The following DENND5A variants were observed in gnomAD, a reference collection of about 807,000 sequenced individuals.
DENND5A encodes DENN domain containing 5A, also known as DENN domain-containing protein 5A.
DENND5A carries 64 observed loss-of-function variants against 140.3 expected under a neutral mutation model. The ratio of observed to expected loss-of-function variants is 0.46; its 90% CI spans 0.37 to 0.56. The LOEUF (loss-of-function observed/expected upper bound fraction) is 0.56. DENND5A is among the 20% of genes least tolerant of loss of function. DENND5A has a pLI of 0.00. For missense variants in DENND5A, 1,292 were observed against 1,593.8 expected, an observed-to-expected ratio of 0.81 and a Z score of 3.22; for synonymous variants, 605 against 607.7, an observed-to-expected ratio of 1.00 and a Z score of 0.07.
At chr11:9,143,345 C>G in intron 20 of DENND5A, 58 bp downstream of exon 20, 1 of 1,492,062 alleles carries the variant, frequency 6.7e-7, no homozygotes, top group Non-Finnish European at 9.4e-7. Flanking sequence ...ATCGGAAAAA[C>G]AAAATTATTC....
intron 1 of DENND5A, among the ~76,000 whole-genome samples, chr11:9,228,124 A>AAAAC: frequency 6.6e-6 from 1 of 151,240 alleles, no homozygotes; most frequent in East Asian, 1.9e-4. Flanking sequence ...AAAAAAAAAA[A>AAAAC]AAAAAAAACT....
In DENND5A at chr11:9,179,008, G is replaced by A. The variant is rs139731384; in HGVS notation, c.1521C>T (p.Leu507=). ...TCTGAATGTTTAGCTGGTAAATCCT[G>A]AGTTCTTCTTCATCACACTGAACTT... ...DLKVQCDEEE[L]RIYQLNIQIR... is the part of the protein sequence containing the mutation. The change falls in exon 7 of 23, where the codon CTC becomes CTT. Residue 507 remains leucine (L), a synonymous_variant. Coordinates refer to ENST00000328194, the MANE Select transcript of DENND5A (RefSeq NM_015213.4). 1.5e-4 allele frequency: 244 copies of A among 1,614,040 alleles called. No homozygotes were observed. Among genetic ancestry groups the A allele is most frequent in the Middle Eastern group, 1.6e-4 (1 of 6,084 alleles).
At chr11:9,242,330 G>A (rs1042735193) in intron 1 of DENND5A, 1 of 152,150 alleles carries the variant, frequency 6.6e-6, no homozygotes, top group Non-Finnish European at 1.5e-5. Flanking sequence ...GACAATCACT[G>A]ATTGCAAGAC....
chr11:9,253,459 TC>T (rs938111030), intron 1 of DENND5A, among the ~76,000 whole-genome samples: 3 of 152,114 alleles, frequency 2.0e-5, no homozygotes, highest in African/African-American at 2.4e-5. Context: ...CAAATAGCGT[TC>T]TCTTTAGAAT....
In DENND5A at chr11:9,264,991, C is replaced by T. The variant is rs1168208885; in HGVS notation, c.79G>A (p.Glu27Lys). The T allele has an allele frequency of 6.3e-6, 10 of 1,589,080 alleles. No homozygotes were observed. The highest frequency in any genetic ancestry group is 8.5e-6 in the Non-Finnish European group (10 of 1,169,888). The change falls in exon 1 of 23, where the codon GAG becomes AAG. Residue 27 changes from glutamate to lysine, a missense_variant. Physicochemically the swap from Glu to Lys is moderately conservative, Grantham distance 56. This residue lies in a region of DENND5A where 566 missense variants were observed against 650.4 expected (regional missense o/e 0.87). Coordinates refer to ENST00000328194, the MANE Select transcript of DENND5A (RefSeq NM_015213.4). ...DYFVICGLDT[E>K]TGLEPDELSA... ...AGCTCGTCCGGCTCCAGCCCGGTCT[C>T]CGTGTCCAGTCCGCAGATGACAAAG...
At chr11:9,236,909 G>C (rs972121700) in intron 1 of DENND5A, among the ~76,000 whole-genome samples, 8 of 151,906 alleles carry the variant, frequency 5.3e-5, no homozygotes, top group Non-Finnish European at 7.4e-5. Context: ...TATATTTCCT[G>C]ACAACCTGTT....
chr11:9,243,022 A>G (rs533127549), intron 1 of DENND5A, among the ~76,000 whole-genome samples: 1 of 143,340 alleles, frequency 7.0e-6, no homozygotes, highest in African/African-American at 2.6e-5. Flanking sequence ...CAGGAGGCAG[A>G]AGTTGCAGTG....
intron 1 of DENND5A, among the ~76,000 whole-genome samples, chr11:9,230,671 C>A (rs1302719748): frequency 6.6e-6 from 1 of 152,072 alleles, no homozygotes; most frequent in Non-Finnish European, 1.5e-5. Flanking sequence ...TTCCATAAAT[C>A]TCAATTTCTT....
At chr11:9,200,285 C>G (rs1458194806) in intron 4 of DENND5A, among the ~76,000 whole-genome samples, 4 of 152,146 alleles carry the variant, frequency 2.6e-5, no homozygotes, top group Non-Finnish European at 4.4e-5. Flanking sequence ...AAGTTCCTCC[C>G]TATTCAACTA....
At chr11:9,162,166 C>T (rs1248715417) in intron 11 of DENND5A, among the ~76,000 whole-genome samples, 2 of 148,946 alleles carry the variant, frequency 1.3e-5, no homozygotes, top group African/African-American at 2.5e-5. Flanking sequence ...TTTTAACCTT[C>T]TTATTGTGAA....
At chr11:9,231,664 G>A (rs376203068) in intron 1 of DENND5A, among the ~76,000 whole-genome samples, 20 of 126,486 alleles carry the variant, frequency 1.6e-4, no homozygotes, top group African/African-American at 6.0e-4. Flanking sequence ...GCAGTGAGCC[G>A]AGATCGCGCC....
intron 1 of DENND5A, among the ~76,000 whole-genome samples, chr11:9,257,432 TA>T (rs71062819): frequency 0.29 from 34,035 of 118,482 alleles, 4,946 homozygotes; most frequent in South Asian, 0.47. Flanking sequence ...CTCTGTCTCT[TA>T]AAAAAAAAAA....
chr11:9,232,377 TAAATC>T (rs1161419832), intron 1 of DENND5A, among the ~76,000 whole-genome samples: 1 of 151,924 alleles, frequency 6.6e-6, no homozygotes, highest in African/African-American at 2.4e-5. Flanking sequence ...AGAACTGCAT[TAAATC>T]AATAAAGAAA....
At chr11:9,142,672 C>T (rs774230861) in intron 21 of DENND5A, 50 bp downstream of exon 21, 1 of 1,610,864 alleles carries the variant, frequency 6.2e-7, no homozygotes, top group Non-Finnish European at 8.5e-7. Flanking sequence ...TGGTGAGTCC[C>T]CTTATATCTC....
chr11:9,199,200 T>C (rs757565692), intron 4 of DENND5A, among the ~76,000 whole-genome samples: 9 of 151,780 alleles, frequency 5.9e-5, no homozygotes, highest in Admixed American at 2.0e-4. Context: ...CTGTTCTGCA[T>C]ATAATTTTTA....
chr11:9,244,146 C>A (rs868766385), intron 1 of DENND5A, among the ~76,000 whole-genome samples: 56 of 152,114 alleles, frequency 3.7e-4, no homozygotes, highest in African/African-American at 1.3e-3. Context: ...TGTATTTGGA[C>A]ATACAGAACC....
intron 5 of DENND5A, among the ~76,000 whole-genome samples, chr11:9,183,744 T>A (rs1279214936): frequency 6.6e-6 from 1 of 152,178 alleles, no homozygotes; most frequent in African/African-American, 2.4e-5. Flanking sequence ...TATCATTCCA[T>A]AAGCAGTCTT....
rs757710217 is a variant in DENND5A, at chr11:9,206,726, G to A, written c.238C>T (p.Arg80Ter). 3.7e-6 allele frequency: 6 copies of A among 1,613,804 alleles called. No homozygotes were observed. Among genetic ancestry groups the A allele is most frequent in the African/African-American group, 1.3e-5 (1 of 74,990 alleles). Residue 80 changes from arginine (R) to a stop codon, truncating the protein, a stop_gained, in exon 3 of 23, where the codon CGA becomes TGA. Coordinates refer to ENST00000328194, the MANE Select transcript of DENND5A (RefSeq NM_015213.4). LOFTEE classifies it high-confidence loss of function. ...RRTFKSKVLARYPENVEWNPF... is the reference protein window; with the variant it reads ...RRTFKSKVLA ...TTCCATTCTACGTTCTCAGGATATC[G>A]TGCAAGGACCTTAGATTTGAATGTT...
At chr11:9,145,565 T>C in intron 17 of DENND5A, 105 bp downstream of exon 17, 1 of 1,236,020 alleles carries the variant, frequency 8.1e-7, no homozygotes, top group South Asian at 1.4e-5. Context: ...GCTGAAGCAT[T>C]ACACTGTACA....
Sources: allele counts gnomAD v4.1 joint callset (sites outside exome capture counted in the v4.1 genomes callset), GRCh38; gene constraint gnomAD v4.1.1; regional missense constraint gnomAD v4.1.1; transcripts MANE v1.5; gene names NCBI Gene and HGNC (gene_info 2026-07-23, HGNC 2026-07-21).